The following BNC2 variants were observed in gnomAD, a reference collection of about 807,000 sequenced individuals.
The protein encoded by BNC2 is zinc finger protein basonuclin-2.
BNC2 carries 20 observed loss-of-function variants against 76.3 expected under a neutral mutation model. That is an observed-to-expected ratio of 0.26 (90% CI 0.18 to 0.38). The LOEUF (loss-of-function observed/expected upper bound fraction) is 0.38, where lower values mean the gene tolerates loss of function less well. BNC2 is among the 10% of genes least tolerant of loss of function. The pLI, the probability that BNC2 is intolerant of heterozygous loss-of-function variation, is 1.00. For synonymous variants in BNC2, 582 were observed against 514.8 expected (o/e 1.13, Z -1.77); for missense variants, 1,382 against 1,399.8 (o/e 0.99, Z 0.20).
chr9:16,491,278 T>C (rs1241024283), intron 5 of BNC2, among the ~76,000 whole-genome samples: 2 of 152,132 alleles, frequency 1.3e-5, no homozygotes, highest in African/African-American at 2.4e-5. Flanking sequence ...AGGATACAAA[T>C]GGCTGGAGGC....
At chr9:16,786,280 G>A (rs1435136556) in intron 1 of BNC2, among the ~76,000 whole-genome samples, 1 of 152,120 alleles carries the variant, frequency 6.6e-6, no homozygotes, top group Non-Finnish European at 1.5e-5. Context: ...AATTGGGAAG[G>A]ACAGTCTTAA....
At chr9:16,549,088 C>A (rs772280467) in intron 5 of BNC2, among the ~76,000 whole-genome samples, 64 of 152,274 alleles carry the variant, frequency 4.2e-4, no homozygotes, top group Non-Finnish European at 7.6e-4. Context: ...TCTTAAACCA[C>A]ATACTTTTGA....
intron 3 of BNC2, among the ~76,000 whole-genome samples, chr9:16,700,340 T>C (rs1823472918): frequency 6.6e-6 from 1 of 151,950 alleles, no homozygotes; most frequent in Non-Finnish European, 1.5e-5. Flanking sequence ...CTTGAGGTCT[T>C]GATAGCAAGA....
Position 16,799,075 on chromosome 9 carries a change from G to C in BNC2, c.4-60590C>G, listed in dbSNP as rs1057147887. On this transcript the variant is annotated intron_variant, in intron 1 of 6. Transcript: ENST00000380672. ...TCTGCAATTTGAATGGCCAGTGCTT[G>C]TCTCCTTAGGCATGTCAAAATCAGT... Among the ~76,000 whole-genome samples the C allele has an allele frequency of 2.0e-5, 3 of 152,058 alleles. No homozygotes were observed. In the South Asian group the frequency reaches 6.2e-4, roughly 32 times the overall value.
chr9:16,863,937 C>T (rs1468533954), intron 1 of BNC2, among the ~76,000 whole-genome samples: 2 of 152,056 alleles, frequency 1.3e-5, no homozygotes, highest in Admixed American at 1.3e-4. Context: ...GAAAAAAAGA[C>T]AAACTTTTGG....
intron 4 of BNC2, among the ~76,000 whole-genome samples, chr9:16,576,476 CTCAAG>C (rs2132947263): frequency 6.6e-6 from 1 of 152,278 alleles, no homozygotes; most frequent in African/African-American, 2.4e-5. Context: ...AGGTTTTGGA[CTCAAG>C]TCAGGGAGAA....
intron 2 of BNC2, among the ~76,000 whole-genome samples, chr9:16,736,366 C>T (rs189631120): frequency 9.0e-4 from 136 of 151,812 alleles, no homozygotes; most frequent in African/African-American, 3.1e-3. Flanking sequence ...ATGCAATTTA[C>T]AAACCTAACA....
At chr9:16,789,432 C>T (rs1309707695) in intron 1 of BNC2, among the ~76,000 whole-genome samples, 2 of 152,138 alleles carry the variant, frequency 1.3e-5, no homozygotes, top group African/African-American at 4.8e-5. Context: ...CTACAAGTTC[C>T]ATGGCGTTCC....
At chr9:16,833,690 G>A (rs1265382718) in intron 1 of BNC2, among the ~76,000 whole-genome samples, 9 of 152,146 alleles carry the variant, frequency 5.9e-5, no homozygotes, top group Admixed American at 5.9e-4. Context: ...GACAAATGGT[G>A]TCCCTGACTC....
chr9:16,761,422 T>C (rs969262421), intron 1 of BNC2, among the ~76,000 whole-genome samples: 2 of 152,242 alleles, frequency 1.3e-5, no homozygotes, highest in Non-Finnish European at 2.9e-5. Context: ...TCTCTGATTT[T>C]CCACAACAAT....
At position 16,598,576 on chromosome 9, in the gene BNC2, G is replaced by A. The variant is rs113520275; in HGVS notation, c.331-15491C>T. On this transcript the variant is annotated intron_variant, in intron 3 of 6. Coordinates refer to ENST00000380672, the MANE Select transcript of BNC2 (RefSeq NM_017637.6). ...CACCACTACGGGGAAGAGACGTTTT[G>A]GATACACTAGAAATAAGTACCTTCT... Among the ~76,000 whole-genome samples, 797 of 152,232 alleles carry A rather than the reference G, an allele frequency of 5.2e-3. 6 individuals carry two copies. Among genetic ancestry groups the A allele is most frequent in the African/African-American group, 0.018 (749 of 41,526 alleles).
chr9:16,463,691 CG>C (rs1305141016), intron 5 of BNC2, among the ~76,000 whole-genome samples: 2 of 152,112 alleles, frequency 1.3e-5, no homozygotes, highest in Non-Finnish European at 1.5e-5. Context: ...TTGCAAATGA[CG>C]GTTACATATT....
At chr9:16,829,897 T>A (rs949228389) in intron 1 of BNC2, among the ~76,000 whole-genome samples, 1 of 152,196 alleles carries the variant, frequency 6.6e-6, no homozygotes, top group Non-Finnish European at 1.5e-5. Context: ...AAACACTATA[T>A]TCACACTATA....
chr9:16,655,724 G>T (rs766402049), intron 3 of BNC2, among the ~76,000 whole-genome samples: 3 of 152,102 alleles, frequency 2.0e-5, no homozygotes, highest in Non-Finnish European at 4.4e-5. Context: ...TTATTACAAA[G>T]CAAAGCCTTT....
chr9:16,800,580 C>A (rs543882691), intron 1 of BNC2, among the ~76,000 whole-genome samples: 1 of 151,552 alleles, frequency 6.6e-6, no homozygotes, highest in East Asian at 1.9e-4. Context: ...CTGGCAATTT[C>A]ATTGATCATG....
At chr9:16,533,148 A>T (rs1818031604) in intron 5 of BNC2, among the ~76,000 whole-genome samples, 2 of 152,216 alleles carry the variant, frequency 1.3e-5, no homozygotes, top group African/African-American at 4.8e-5. Flanking sequence ...TATAAATTTT[A>T]TTTGGATCAC....
intron 1 of BNC2, among the ~76,000 whole-genome samples, chr9:16,818,142 C>A (rs1335999821): frequency 6.6e-6 from 1 of 152,178 alleles, no homozygotes; most frequent in Non-Finnish European, 1.5e-5. Context: ...CGGTGGCTCA[C>A]GCCTGTAATC....
chr9:16,821,233 CA>C (rs71491694), intron 1 of BNC2, among the ~76,000 whole-genome samples: 58,248 of 112,400 alleles, frequency 0.52, 12,769 homozygotes, highest in Non-Finnish European at 0.6. Flanking sequence ...AACTCCGTCT[CA>C]AAAAAAAAAA....
chr9:16,708,757 A>C (rs1399620730), intron 3 of BNC2, among the ~76,000 whole-genome samples: 1 of 152,034 alleles, frequency 6.6e-6, no homozygotes, highest in Non-Finnish European at 1.5e-5. Context: ...ACCGAAGGAA[A>C]AAAGGGATTG....
Sources: gnomAD v4.1 joint callset for allele counts (sites outside exome capture counted in the v4.1 genomes callset) on GRCh38, gnomAD v4.1.1 for gene constraint, MANE v1.5 for transcripts, NCBI Gene and HGNC (gene_info 2026-07-23, HGNC 2026-07-21) for gene names.